SMC1B: variants seen among roughly 807,000 people sequenced by gnomAD.
SMC1B encodes the protein structural maintenance of chromosomes 1B.
In SMC1B, 60 loss-of-function variants were observed where a neutral mutation model predicts 157.9. The ratio of observed to expected loss-of-function variants is 0.38; its 90% CI spans 0.31 to 0.47. The LOEUF (loss-of-function observed/expected upper bound fraction) is 0.47. Ranked by LOEUF, SMC1B falls within the 20% of genes least tolerant of loss-of-function variation. SMC1B has a pLI of 0.99. For missense variants in SMC1B, 1,165 were observed against 1,426.2 expected (o/e 0.82, Z 2.95); for synonymous variants, 445 against 483.0 (o/e 0.92, Z 1.03).
intron 5 of SMC1B, among the ~76,000 whole-genome samples, chr22:45,400,969 T>C (rs1194553600): frequency 6.6e-6 from 1 of 152,130 alleles, no homozygotes; most frequent in African/African-American, 2.4e-5. Flanking sequence ...TTCCTCAAAA[T>C]TGTCAAGTTC....
intron 4 of SMC1B, among the ~76,000 whole-genome samples, chr22:45,404,940 C>A (rs1408336092): frequency 6.6e-6 from 1 of 151,986 alleles, no homozygotes; most frequent in Non-Finnish European, 1.5e-5. Flanking sequence ...AAATAATAAA[C>A]AAGATAATTT....
chr22:45,381,242 A>T (rs2086933852), intron 12 of SMC1B, among the ~76,000 whole-genome samples: 1 of 152,052 alleles, frequency 6.6e-6, no homozygotes, highest in Non-Finnish European at 1.5e-5. Flanking sequence ...AGATACGTTT[A>T]TGTATTTCTT....
intron 12 of SMC1B, among the ~76,000 whole-genome samples, chr22:45,379,269 C>T (rs902976953): frequency 2.6e-5 from 4 of 152,200 alleles, no homozygotes; most frequent in Admixed American, 1.3e-4. Context: ...GGATTACAGG[C>T]GTGGGCCACC....
Position 45,393,694 on chromosome 22 carries a change from T to C in SMC1B, c.1485A>G (p.Lys495=). 1.2e-6 allele frequency: 2 copies of C among 1,614,150 alleles called. No individual in the cohort carries two copies. Among genetic ancestry groups the C allele is most frequent in the Non-Finnish European group, 1.7e-6 (2 of 1,180,010 alleles). ...GAACCTCTGCTCTCTTTTGCTGACG[T>C]TTTCCCTCATGGGTATCAATCCCAG... The part of the protein sequence containing the change: ...QNAGIDTHEG[K]RQQKRAEVLE... Residue 495 remains lysine (K), a synonymous_variant, in exon 9 of 25, where the codon AAA becomes AAG. Coordinates refer to ENST00000357450, the MANE Select transcript of SMC1B (RefSeq NM_148674.5).
chr22:45,406,630 T>G lies in SMC1B; in HGVS notation c.445A>C (p.Lys149Gln). 1 of 1,613,736 alleles carries G rather than the reference T, an allele frequency of 6.2e-7. No homozygotes were observed. Among genetic ancestry groups the G allele is most frequent in the South Asian group, 1.1e-5 (1 of 90,956 alleles). The change falls in exon 4 of 25, where the codon AAA becomes CAA. Residue 149 changes from lysine (K) to glutamine (Q), a missense_variant. Coordinates refer to ENST00000357450, the MANE Select transcript of SMC1B (RefSeq NM_148674.5). The part of the protein sequence containing the change: ...TVESISVKKP[K>Q]ERTQFFEEIS... Reference sequence around the variant, plus strand: ...TCCTCAAAAAACTGGGTCCTTTCTTTGGGTTTCTTCACTGAAATTGACTCT... The same window carrying G: ...TCCTCAAAAAACTGGGTCCTTTCTTGGGGTTTCTTCACTGAAATTGACTCT...
In SMC1B at chr22:45,389,755, T is replaced by A. The variant is rs1399418148; in HGVS notation, c.1688A>T (p.Glu563Val). The A allele has an allele frequency of 6.2e-7, 1 of 1,614,126 alleles. No homozygotes were observed. The highest frequency in any genetic ancestry group is 1.3e-5 in the African/African-American group (1 of 75,040). ...GAGGAATGTCTCAGGTTCAGCTCTT[T>A]CCTCCTTCAGAAATCGAATACAATC... is the stretch of plus-strand genomic sequence containing the variant. The part of the protein sequence containing the change: ...AKDCIRFLKE[E>V]RAEPETFLAL... Residue 563 changes from glutamate to valine, a missense_variant, in exon 10 of 25, where the codon GAA (glutamate) becomes GTA (valine). Transcript: ENST00000357450.
intron 6 of SMC1B, among the ~76,000 whole-genome samples, chr22:45,397,208 T>C (rs1389161965): frequency 2.0e-5 from 3 of 152,176 alleles, no homozygotes; most frequent in Non-Finnish European, 4.4e-5. Context: ...TAGAGGTTTT[T>C]GTTGCTCTAT....
At chr22:45,412,568 G>A (rs543528119) in intron 1 of SMC1B, among the ~76,000 whole-genome samples, 7 of 141,032 alleles carry the variant, frequency 5.0e-5, no homozygotes, top group Non-Finnish European at 1.1e-4. Flanking sequence ...GTGCAATGGC[G>A]TGTCCTTGGC....
chr22:45,369,104 GTTT>G (rs886289654), intron 15 of SMC1B, among the ~76,000 whole-genome samples: 2 of 144,684 alleles, frequency 1.4e-5, no homozygotes, highest in Non-Finnish European at 1.5e-5. Context: ...TCATTCTTTT[GTTT>G]TTTTTTTTGA....
In SMC1B at chr22:45,354,131, A is replaced by C. The variant is rs746159964; in HGVS notation, c.3120T>G (p.Ala1040=). The change falls in exon 21 of 25, where the codon GCT becomes GCG. Residue 1040 remains alanine (A), a splice_region_variant and synonymous_variant. Transcript: ENST00000357450. Reference sequence around the variant, plus strand: ...TGGCTTCCTTTCTGCTGGCCTCAAAAGCTAAGAGAGAATCAATGTTCTTTA... The same window carrying C: ...TGGCTTCCTTTCTGCTGGCCTCAAACGCTAAGAGAGAATCAATGTTCTTTA... ...VRDKFQESTD[A]FEASRKEARL... 30 of 1,543,924 alleles carry C rather than the reference A, an allele frequency of 1.9e-5. No individual in the cohort carries two copies. The highest frequency in any genetic ancestry group is 2.5e-5 in the Non-Finnish European group (29 of 1,153,182).
intron 19 of SMC1B, among the ~76,000 whole-genome samples, chr22:45,356,484 G>A (rs1439479712): frequency 1.3e-5 from 2 of 152,174 alleles, no homozygotes; most frequent in Non-Finnish European, 1.5e-5. Flanking sequence ...AGAGAAGTCT[G>A]TGCCTTTCTC....
intron 12 of SMC1B, among the ~76,000 whole-genome samples, chr22:45,379,281 T>G (rs2086912385): frequency 6.6e-6 from 1 of 152,224 alleles, no homozygotes; most frequent in Admixed American, 6.5e-5. Context: ...TGGGCCACCA[T>G]GCCCAGCCTC....
intron 19 of SMC1B, among the ~76,000 whole-genome samples, chr22:45,356,064 C>T (rs1460625670): frequency 6.6e-6 from 1 of 152,038 alleles, no homozygotes; most frequent in Non-Finnish European, 1.5e-5. Flanking sequence ...AGCAAGACTC[C>T]GTCTCAAAAA....
At position 45,355,169 on chromosome 22, in the gene SMC1B, C is replaced by T. The variant is rs905423668; in HGVS notation, c.2962-54G>A. 7.5e-6 allele frequency: 12 copies of T among 1,595,950 alleles called. No homozygotes were observed. In the Admixed American group the frequency reaches 2.0e-4, roughly 27 times the overall value. ...GGCATGGCATGTCTTTTACATCCAG[C>T]AAGGTAGGGTGCGTGTGTGGGGCAC... On this transcript the variant is annotated intron_variant, in intron 19 of 24. Transcript: ENST00000357450.
chr22:45,350,042 G>A (rs1389051291), intron 22 of SMC1B, among the ~76,000 whole-genome samples: 2 of 152,130 alleles, frequency 1.3e-5, no homozygotes, highest in African/African-American at 4.8e-5. Flanking sequence ...CTTGTAAGGG[G>A]ACACAGTCTA....
Position 45,358,364 on chromosome 22 carries a change from T to A in SMC1B, c.2961+333A>T, listed in dbSNP as rs191123739. On this transcript the variant is annotated intron_variant, in intron 19 of 24. Coordinates refer to ENST00000357450, the MANE Select transcript of SMC1B (RefSeq NM_148674.5). ...GAGTCTGGGAGGCCTGGACTTGTGA[T>A]TGGTATCTGAAGAGTGGCCAGTCTT... Among the ~76,000 whole-genome samples the A allele has an allele frequency of 6.6e-5, 10 of 152,288 alleles. No individual in the cohort carries two copies. In the East Asian group the frequency reaches 1.7e-3, roughly 26 times the overall value.
In SMC1B at chr22:45,344,543, TGCA is replaced by T; in HGVS notation, c.*10_*12del. 1 of 1,589,806 alleles carries T rather than the reference TGCA, an allele frequency of 6.3e-7. No individual in the cohort carries two copies. The highest frequency in any genetic ancestry group is 8.6e-7 in the Non-Finnish European group (1 of 1,157,956). Reference sequence around the variant, plus strand: ...AACTGAACAGTGATCAGGTGACTGCTGCAGGACTGCCCCTAGCGGGACTCTCCG... The same window carrying T: ...AACTGAACAGTGATCAGGTGACTGCTGGACTGCCCCTAGCGGGACTCTCCG... On this transcript the variant is annotated 3_prime_UTR_variant, in exon 25 of 25. Transcript: ENST00000357450.
Position 45,344,500 on chromosome 22 carries a change from TGTGA to T in SMC1B, c.*52_*55del. 1 of 1,245,600 alleles carries T rather than the reference TGTGA, an allele frequency of 8.0e-7. No individual in the cohort carries two copies. Among genetic ancestry groups the T allele is most frequent in the Admixed American group, 1.7e-5 (1 of 58,472 alleles). 77.2% of individuals were successfully genotyped at this position (1,245,600 alleles called of 1,614,324 possible). A position where few individuals can be genotyped will look rare whatever the true frequency, so the allele number is the denominator to read the frequency against. On this transcript the variant is annotated 3_prime_UTR_variant, in exon 25 of 25. Transcript: ENST00000357450. ...CCAGAAGTCTCCTGTGGAGGAGCTG[TGTGA>T]GTATTAGAGTGGGAACTGAACAGTG...
intron 7 of SMC1B, among the ~76,000 whole-genome samples, chr22:45,396,145 T>G (rs1292560730): frequency 6.6e-6 from 1 of 152,234 alleles, no homozygotes. Flanking sequence ...TTTTTCTCCT[T>G]GCACAAAATG....
Sources: allele counts gnomAD v4.1 joint callset (sites outside exome capture counted in the v4.1 genomes callset), GRCh38; gene constraint gnomAD v4.1.1; transcripts MANE v1.5; gene names NCBI Gene and HGNC (gene_info 2026-07-23, HGNC 2026-07-21).